Variants in DOCK8 observed in about 807,000 individuals in gnomAD.
The protein encoded by DOCK8 is dedicator of cytokinesis 8.
A neutral mutation model predicts 245.6 loss-of-function variants in DOCK8; 141 were observed. That is an observed-to-expected ratio of 0.57 (90% CI 0.50 to 0.66). The LOEUF (loss-of-function observed/expected upper bound fraction) is 0.66, where lower values mean the gene tolerates loss of function less well. Among genes scored for constraint, DOCK8 ranks in the 30% least tolerant of loss-of-function variants. The pLI, the probability that DOCK8 is intolerant of heterozygous loss-of-function variation, is 0.00. For missense variants in DOCK8, 2,965 were observed against 2,603.4 expected (o/e 1.14, Z -3.02); for synonymous variants, 1,168 against 970.2 (o/e 1.20, Z -3.79).
intron 1 of DOCK8, among the ~76,000 whole-genome samples, chr9:262,779 T>C (rs559750775): frequency 5.3e-5 from 8 of 152,318 alleles, no homozygotes; most frequent in African/African-American, 1.9e-4. Flanking sequence ...TTTAAATATG[T>C]GCAGTTCATT....
In DOCK8 at chr9:304,942, TG is replaced by T. The variant is rs34148592; in HGVS notation, c.528+243del. On this transcript the variant is annotated intron_variant, in intron 5 of 47. Transcript: ENST00000432829. ...TAGAAAAAAGTGGAAAAGCTCTAAC[TG>T]GGGGACAGAGACACCTTGGGCCCAT... 0.46 allele frequency among the ~76,000 whole-genome samples: 69,150 copies of T among 151,838 alleles called. 17,261 individuals are homozygous for T. The highest frequency in any genetic ancestry group is 0.75 in the East Asian group (3,865 of 5,124).
At chr9:409,142 G>T (rs1458864054) in intron 28 of DOCK8, among the ~76,000 whole-genome samples, 1 of 151,622 alleles carries the variant, frequency 6.6e-6, no homozygotes, top group Non-Finnish European at 1.5e-5. Flanking sequence ...ACAGTTGGTA[G>T]ACTTGCCAAC....
intron 43 of DOCK8, among the ~76,000 whole-genome samples, chr9:444,334 C>CT (rs1486661924): frequency 4.1e-4 from 14 of 34,410 alleles, no homozygotes; most frequent in African/African-American, 8.0e-4. Flanking sequence ...GAAAACAAAG[C>CT]AAATAATAAT....
At chr9:235,747 TTGGAAAAGCGCAGTATTAGGGTGGGAG>T (rs1185325131) in intron 1 of DOCK8, among the ~76,000 whole-genome samples, 1 of 152,158 alleles carries the variant, frequency 6.6e-6, no homozygotes, top group Non-Finnish European at 1.5e-5. Context: ...TTTAAGCCCG[TTGGAAAAGCGCAGTATTAGGGTGGGAG>T]TGACCCGATT....
At chr9:436,273 A>G (rs939799318) in intron 39 of DOCK8, among the ~76,000 whole-genome samples, 1 of 152,264 alleles carries the variant, frequency 6.6e-6, no homozygotes, top group Admixed American at 6.5e-5. Flanking sequence ...AATGTTTGTT[A>G]TAAAAGCTGA....
chr9:403,984 ATATATATG>A (rs2055293387), intron 26 of DOCK8, among the ~76,000 whole-genome samples: 1 of 76,004 alleles, frequency 1.3e-5, no homozygotes, highest in African/African-American at 7.1e-5. Flanking sequence ...ATGTGTATAT[ATATATATG>A]TGTATATATA....
In DOCK8 at chr9:405,121, TTAAC is replaced by T. The variant is rs59517342; in HGVS notation, c.3390+51_3390+54del. 1,467 of 1,548,506 alleles carry T rather than the reference TTAAC, an allele frequency of 9.5e-4. 12 individuals carry two copies. In the African/African-American group the frequency reaches 0.018, roughly 19 times the overall value. ...AAAAGAATTATTCAAGCTATTTCATTTAACTAGCTCAGTTTAATCATGTATTTCC... is the reference window on the plus strand; with the variant it reads ...AAAAGAATTATTCAAGCTATTTCATTTAGCTCAGTTTAATCATGTATTTCC... On this transcript the variant is annotated intron_variant, in intron 27 of 47. Transcript: ENST00000432829.
rs3046373 is a variant in DOCK8 at position 266,364 on chromosome 9, G to GGAATGAATGAAT, written c.54-5243_54-5232dup. Among the ~76,000 whole-genome samples, 1,334 of 151,262 alleles carry GGAATGAATGAAT rather than the reference G, an allele frequency of 8.8e-3. 11 individuals carry two copies. Among genetic ancestry groups the GGAATGAATGAAT allele is most frequent in the East Asian group, 0.019 (98 of 5,106 alleles). ...CCAGCAATTTGTGTGTTCTCAGTGT[G>GGAATGAATGAAT]GAATGAATGAATGAATGAATGAATG... On this transcript the variant is annotated intron_variant, in intron 1 of 47. Transcript: ENST00000432829.
rs149393618 is a variant in DOCK8, at chr9:215,357, G to A, written c.53+328G>A. The A allele has an allele frequency of 2.4e-5, 38 of 1,598,304 alleles. 1 individual carries two copies. The South Asian group carries it at 4.1e-4, about 17-fold the overall frequency. ...GCCGGGTCCCAGAAGGGTGATAGGCGCCTGGGTAACCGTGTTGGGCGCGCC... is the reference window on the plus strand; with the variant it reads ...GCCGGGTCCCAGAAGGGTGATAGGCACCTGGGTAACCGTGTTGGGCGCGCC... On this transcript the variant is annotated intron_variant, in intron 1 of 47. Coordinates refer to ENST00000432829, the MANE Select transcript of DOCK8 (RefSeq NM_203447.4).
Position 286,602 on chromosome 9 carries a change from T to C in DOCK8, c.298T>C (p.Cys100Arg), listed in dbSNP as rs753564662. Residue 100 changes from cysteine (C) to arginine (R), a missense_variant, in exon 3 of 48, where the codon TGT (cysteine) becomes CGT (arginine). Cys to Arg is a radical substitution (Grantham distance 180, BLOSUM62 -3). Around this residue, in one of 3 missense-constraint regions of DOCK8, gnomAD observed 2,825 missense variants for 2,453.5 expected, o/e 1.15. Transcript: ENST00000432829. ...GGACGTGGTGTTCACGCCAAAGGAA[T>C]GTAGGACTTTGCAGCCCTCTTTGCC... The part of the protein sequence containing the change: ...DLDVVFTPKE[C>R]RTLQPSLPEE... The C allele has an allele frequency of 3.7e-6, 6 of 1,613,876 alleles. No homozygotes were observed. Among genetic ancestry groups the C allele is most frequent in the Admixed American group, 3.3e-5 (2 of 59,986 alleles).
chr9:270,194 C>T (rs2048126369), intron 1 of DOCK8, among the ~76,000 whole-genome samples: 2 of 152,162 alleles, frequency 1.3e-5, no homozygotes, highest in Non-Finnish European at 1.5e-5. Flanking sequence ...ATAAAGAAAA[C>T]GCTGTAGAAA....
At chr9:288,682 A>C (rs150420487) in intron 3 of DOCK8, among the ~76,000 whole-genome samples, 21 of 152,302 alleles carry the variant, frequency 1.4e-4, no homozygotes, top group African/African-American at 4.8e-4. Context: ...AGCTTTAAGG[A>C]GAGGAAACTG....
rs546211778 is a variant in DOCK8 at position 369,905 on chromosome 9, G to T, written c.1798-325G>T. On this transcript the variant is annotated intron_variant, in intron 15 of 47. Transcript: ENST00000432829. ...CAACCTCTGCTTCCTAGGCTCAAGC[G>T]ATCCTCTTGCCTCCGCCCCCTGAGT... 39 of 347,978 alleles carry T rather than the reference G, an allele frequency of 1.1e-4. No homozygotes were observed. The East Asian group carries it at 2.6e-3, about 23-fold the overall frequency. 21.6% of individuals were successfully genotyped at this position (347,978 alleles called of 1,614,324 possible).
intron 2 of DOCK8, among the ~76,000 whole-genome samples, chr9:282,005 A>G (rs954205383): frequency 2.0e-5 from 3 of 152,238 alleles, no homozygotes; most frequent in Admixed American, 6.5e-5. Context: ...GAATAGCTTC[A>G]GACCTCGAGA....
chr9:345,266 T>C (rs1429003876), intron 14 of DOCK8, among the ~76,000 whole-genome samples: 3 of 152,312 alleles, frequency 2.0e-5, no homozygotes, highest in African/African-American at 7.2e-5. Context: ...TTCAGGAATA[T>C]TTCTTCGTTT....
chr9:412,238 T>C (rs1220018277), intron 28 of DOCK8, among the ~76,000 whole-genome samples: 1 of 152,102 alleles, frequency 6.6e-6, no homozygotes, highest in East Asian at 1.9e-4. Context: ...ACGCCATCTC[T>C]ACAAGAAATA....
chr9:305,721 C>G (rs1408093036), intron 5 of DOCK8, among the ~76,000 whole-genome samples: 1 of 152,190 alleles, frequency 6.6e-6, no homozygotes, highest in African/African-American at 2.4e-5. Context: ...CCAGCAAACA[C>G]TCTAACAAAT....
Position 399,235 on chromosome 9 carries a change from C to T in DOCK8, c.3210C>T (p.Asn1070=), listed in dbSNP as rs766441473. Residue 1070 remains asparagine, a synonymous_variant, in exon 26 of 48, where the codon AAC becomes AAT. Coordinates refer to ENST00000432829, the MANE Select transcript of DOCK8 (RefSeq NM_203447.4). ...LSLMDRGFVF[N]LIRHYCSQLS... ...TCATGGATCGGGGCTTTGTGTTTAA[C>T]CTCATCAGACATTATTGCAGCCAGG... is the stretch of plus-strand genomic sequence containing the variant. The T allele has an allele frequency of 1.2e-6, 2 of 1,613,884 alleles. No homozygotes were observed. The highest frequency in any genetic ancestry group is 1.7e-6 in the Non-Finnish European group (2 of 1,179,946).
At chr9:333,572 G>A (rs2051153073) in intron 10 of DOCK8, among the ~76,000 whole-genome samples, 1 of 150,366 alleles carries the variant, frequency 6.7e-6, no homozygotes, top group African/African-American at 2.5e-5. Context: ...CTGCACTCCA[G>A]CCTGGGTGAC....
Sources: gnomAD v4.1 joint callset for allele counts (sites outside exome capture counted in the v4.1 genomes callset) on GRCh38, gnomAD v4.1.1 for gene constraint, gnomAD v4.1.1 regional missense constraint, MANE v1.5 for transcripts, NCBI Gene and HGNC (gene_info 2026-07-23, HGNC 2026-07-21) for gene names.